RBFOX1: variants seen among roughly 807,000 people sequenced by gnomAD.
RBFOX1 encodes the protein RNA binding protein fox-1 homolog 1.
RBFOX1 carries 8 observed loss-of-function variants against 57.7 expected under a neutral mutation model. That is an observed-to-expected ratio of 0.14 (90% CI 0.08 to 0.25). RBFOX1 has a LOEUF of 0.25. Ranked by LOEUF, RBFOX1 falls within the 10% of genes least tolerant of loss-of-function variation. The pLI is 1.00. For missense variants in RBFOX1, 611 were observed against 548.5 expected, an observed-to-expected ratio of 1.11 and a Z score of -1.14; for synonymous variants, 326 against 222.4, an observed-to-expected ratio of 1.47 and a Z score of -4.15.
At chr16:5,878,539 T>G (rs1454498777) in intron 4 of RBFOX1, among the ~76,000 whole-genome samples, 1 of 152,160 alleles carries the variant, frequency 6.6e-6, no homozygotes, top group Non-Finnish European at 1.5e-5. Context: ...GAAAACCCCC[T>G]TGGGTTAAAG....
Position 6,057,345 on chromosome 16 carries a change from T to C in RBFOX1, c.-127+37353T>C, listed in dbSNP as rs573492597. Reference sequence around the variant, plus strand: ...AGTTTAATATCATGCAACTGTTTATTAATAAGCTCCAAACCCCAAAGGATC... The same window carrying C: ...AGTTTAATATCATGCAACTGTTTATCAATAAGCTCCAAACCCCAAAGGATC... On this transcript the variant is annotated intron_variant, in intron 1 of 15. Transcript: ENST00000550418. 5.3e-5 allele frequency among the ~76,000 whole-genome samples: 8 copies of C among 152,252 alleles called. No homozygotes were observed. In the South Asian group the frequency reaches 1.7e-3, roughly 32 times the overall value.
intron 1 of RBFOX1, among the ~76,000 whole-genome samples, chr16:6,147,474 G>A (rs1242257484): frequency 3.3e-5 from 5 of 152,046 alleles, no homozygotes; most frequent in Admixed American, 3.3e-4. Context: ...TTCACTCATG[G>A]GTCAAAGCCA....
chr16:6,434,964 A>G (rs565959814), intron 2 of RBFOX1, among the ~76,000 whole-genome samples: 1 of 152,344 alleles, frequency 6.6e-6, no homozygotes, highest in South Asian at 2.1e-4. Flanking sequence ...AGATATGTAC[A>G]TATACGTGCA....
At chr16:6,568,315 A>T (rs949609519) in intron 2 of RBFOX1, among the ~76,000 whole-genome samples, 1 of 152,194 alleles carries the variant, frequency 6.6e-6, no homozygotes, top group Non-Finnish European at 1.5e-5. Flanking sequence ...AGACTCACTC[A>T]TATGGATATT....
chr16:7,141,535 GTTATT>G (rs1190071237), intron 4 of RBFOX1, among the ~76,000 whole-genome samples: 1 of 152,154 alleles, frequency 6.6e-6, no homozygotes, highest in East Asian at 1.9e-4. Flanking sequence ...AAGGATCATT[GTTATT>G]TTATTTTTAT....
intron 1 of RBFOX1, among the ~76,000 whole-genome samples, chr16:5,306,784 T>C (rs897785326): frequency 1.3e-5 from 2 of 152,218 alleles, no homozygotes; most frequent in East Asian, 3.9e-4. Context: ...GTCTGCTCTG[T>C]TCTGCGTCTT....
chr16:7,391,512 A>G (rs2098021422), intron 4 of RBFOX1, among the ~76,000 whole-genome samples: 1 of 152,208 alleles, frequency 6.6e-6, no homozygotes, highest in African/African-American at 2.4e-5. Context: ...CTTTTGGACC[A>G]GTTTCCTTGT....
At chr16:6,136,718 C>T (rs969367389) in intron 1 of RBFOX1, among the ~76,000 whole-genome samples, 1 of 152,112 alleles carries the variant, frequency 6.6e-6, no homozygotes, top group Non-Finnish European at 1.5e-5. Context: ...CTTCAAAATT[C>T]TTCTACAGCC....
intron 3 of RBFOX1, among the ~76,000 whole-genome samples, chr16:6,764,131 A>T (rs1303569266): frequency 6.6e-6 from 1 of 152,160 alleles, no homozygotes; most frequent in Non-Finnish European, 1.5e-5. Context: ...TTGCGTATGG[A>T]GAGGGAAAGA....
chr16:7,321,005 C>T (rs8052596), intron 4 of RBFOX1, among the ~76,000 whole-genome samples: 29,791 of 151,636 alleles, frequency 0.2, 4,789 homozygotes, highest in African/African-American at 0.45. Flanking sequence ...ATTGCTATTA[C>T]GATAAAAATA....
chr16:6,352,932 G>A (rs534191567), intron 2 of RBFOX1, among the ~76,000 whole-genome samples: 7 of 152,258 alleles, frequency 4.6e-5, no homozygotes, highest in East Asian at 1.9e-4. Flanking sequence ...GATTTAAAGC[G>A]GGAGAGTGGT....
At chr16:5,318,609 CAA>C (rs1242614258) in intron 1 of RBFOX1, among the ~76,000 whole-genome samples, 1 of 152,082 alleles carries the variant, frequency 6.6e-6, no homozygotes, top group Admixed American at 6.5e-5. Flanking sequence ...AAAAACAAAA[CAA>C]AACACTTTAT....
intron 2 of RBFOX1, among the ~76,000 whole-genome samples, chr16:6,325,422 G>T (rs1051981234): frequency 5.9e-5 from 9 of 152,186 alleles, no homozygotes; most frequent in Non-Finnish European, 1.2e-4. Flanking sequence ...CCTTCTATTA[G>T]CTTTAACACC....
intron 2 of RBFOX1, among the ~76,000 whole-genome samples, chr16:6,510,040 G>A (rs2096218032): frequency 1.3e-5 from 2 of 152,142 alleles, no homozygotes; most frequent in South Asian, 4.1e-4. Context: ...TGTGATTGAA[G>A]CAGCTTCATA....
intron 1 of RBFOX1, among the ~76,000 whole-genome samples, chr16:6,298,010 G>A (rs2078340003): frequency 1.3e-5 from 2 of 152,222 alleles, no homozygotes; most frequent in Admixed American, 6.5e-5. Flanking sequence ...AGCTCAGGAT[G>A]CAGAAAGCTG....
intron 3 of RBFOX1, among the ~76,000 whole-genome samples, chr16:6,982,189 G>C (rs1279837349): frequency 1.3e-5 from 2 of 152,138 alleles, no homozygotes; most frequent in African/African-American, 4.8e-5. Context: ...CATCCAATTT[G>C]AGAAACCTGA....
At chr16:6,409,409 G>A (rs771079941) in intron 2 of RBFOX1, among the ~76,000 whole-genome samples, 1 of 152,060 alleles carries the variant, frequency 6.6e-6, no homozygotes, top group African/African-American at 2.4e-5. Flanking sequence ...AGCGAAACCC[G>A]GTCTCAAAAC....
At chr16:6,178,177 C>CTATTT (rs2097028906) in intron 1 of RBFOX1, among the ~76,000 whole-genome samples, 6 of 69,616 alleles carry the variant, frequency 8.6e-5, no homozygotes, top group Non-Finnish European at 1.6e-4. Context: ...AAAGGTCACT[C>CTATTT]TTTTTTTTTT....
At chr16:5,245,860 G>C (rs1490133618) in intron 1 of RBFOX1, among the ~76,000 whole-genome samples, 1 of 152,242 alleles carries the variant, frequency 6.6e-6, no homozygotes, top group Non-Finnish European at 1.5e-5. Flanking sequence ...TCGTGGATGG[G>C]TAAGGAGACT....
Sources: gnomAD v4.1 joint callset for allele counts (sites outside exome capture counted in the v4.1 genomes callset) on GRCh38, gnomAD v4.1.1 for gene constraint, MANE v1.5 for transcripts, NCBI Gene and HGNC (gene_info 2026-07-23, HGNC 2026-07-21) for gene names.